GRIN2B: variants seen among roughly 807,000 people sequenced by gnomAD.
GRIN2B encodes glutamate ionotropic receptor NMDA type subunit 2B.
In GRIN2B, 5 loss-of-function variants were observed where a neutral mutation model predicts 114.5. The ratio of observed to expected loss-of-function variants is 0.04; its 90% CI spans 0.02 to 0.09. The LOEUF (loss-of-function observed/expected upper bound fraction) is 0.09, where lower values mean the gene tolerates loss of function less well. GRIN2B is among the 10% of genes least tolerant of loss of function. The pLI, the probability that GRIN2B is intolerant of heterozygous loss-of-function variation, is 1.00. For synonymous variants in GRIN2B, 787 were observed against 745.1 expected (o/e 1.06, Z -0.92); for missense variants, 1,108 against 1,943.5 (o/e 0.57, Z 8.08).
chr12:13,772,764 C>T (rs1452147252), intron 3 of GRIN2B, among the ~76,000 whole-genome samples: 1 of 152,080 alleles, frequency 6.6e-6, no homozygotes, highest in Non-Finnish European at 1.5e-5. Context: ...AGTTTGCAAC[C>T]TTGTAAGAGG....
intron 4 of GRIN2B, among the ~76,000 whole-genome samples, chr12:13,694,656 C>CATATATATATATAT (rs67570541): frequency 2.8e-5 from 2 of 71,340 alleles, no homozygotes; most frequent in East Asian, 4.4e-4. Flanking sequence ...AAGAAAATGT[C>CATATATATATATAT]ATATATATAT....
chr12:13,773,162 T>C (rs1863938346), intron 3 of GRIN2B, among the ~76,000 whole-genome samples: 2 of 152,184 alleles, frequency 1.3e-5, no homozygotes, highest in African/African-American at 4.8e-5. Context: ...GGCAAGTTCC[T>C]ACCCATCCAG....
chr12:13,906,351 G>C (rs1027140008), intron 2 of GRIN2B, among the ~76,000 whole-genome samples: 6 of 152,144 alleles, frequency 3.9e-5, no homozygotes, highest in Non-Finnish European at 7.4e-5. Flanking sequence ...AGTACACTGA[G>C]CACTAAAGGG....
chr12:13,607,344 A>T (rs1382202515), intron 10 of GRIN2B, among the ~76,000 whole-genome samples: 25 of 38,364 alleles, frequency 6.5e-4, no homozygotes, highest in Non-Finnish European at 9.3e-4. Context: ...ATTATATATA[A>T]TATATAAAAT....
chr12:13,740,011 T>A (rs1011335881), intron 4 of GRIN2B, among the ~76,000 whole-genome samples: 1 of 152,146 alleles, frequency 6.6e-6, no homozygotes. Flanking sequence ...GTTTTGAGTT[T>A]GCAGGTGGCC....
intron 2 of GRIN2B, among the ~76,000 whole-genome samples, chr12:13,935,110 A>T (rs1471123404): frequency 6.6e-6 from 1 of 152,248 alleles, no homozygotes; most frequent in African/African-American, 2.4e-5. Flanking sequence ...ATTGGTCCAT[A>T]GATGAGAAAA....
intron 10 of GRIN2B, among the ~76,000 whole-genome samples, chr12:13,592,282 C>T (rs1472619036): frequency 1.3e-5 from 2 of 152,174 alleles, no homozygotes; most frequent in African/African-American, 4.8e-5. Flanking sequence ...AAGTGGCTAA[C>T]AAGCTATTGT....
At chr12:13,947,034 CT>C (rs1867373719) in intron 2 of GRIN2B, among the ~76,000 whole-genome samples, 1 of 152,154 alleles carries the variant, frequency 6.6e-6, no homozygotes, top group African/African-American at 2.4e-5. Flanking sequence ...AGAGGTGACA[CT>C]TTCTCTAGCA....
At chr12:13,775,495 G>C (rs1323975386) in intron 3 of GRIN2B, among the ~76,000 whole-genome samples, 1 of 152,228 alleles carries the variant, frequency 6.6e-6, no homozygotes, top group East Asian at 1.9e-4. Context: ...TAAGTGCTTA[G>C]GAAATAGTAC....
At chr12:13,832,013 T>C (rs1218159639) in intron 3 of GRIN2B, among the ~76,000 whole-genome samples, 1 of 152,080 alleles carries the variant, frequency 6.6e-6, no homozygotes, top group Non-Finnish European at 1.5e-5. Context: ...TGAAGGGCAG[T>C]GGGGGGCAGG....
intron 4 of GRIN2B, among the ~76,000 whole-genome samples, chr12:13,717,447 T>C (rs1950466086): frequency 6.6e-6 from 1 of 151,968 alleles, no homozygotes; most frequent in Non-Finnish European, 1.5e-5. Context: ...CCACAGTTTC[T>C]CCTCTGTTAA....
chr12:13,576,610 G>A (rs761553839), intron 10 of GRIN2B, among the ~76,000 whole-genome samples: 23 of 151,048 alleles, frequency 1.5e-4, no homozygotes, highest in Non-Finnish European at 2.1e-4. Flanking sequence ...GCAGTGTTGC[G>A]ATCTTGGCTC....
At chr12:13,808,770 T>TATATATATATATAG (rs1491493981) in intron 3 of GRIN2B, among the ~76,000 whole-genome samples, 1 of 141,398 alleles carries the variant, frequency 7.1e-6, no homozygotes, top group South Asian at 2.3e-4. Context: ...TATATATATA[T>TATATATATATATAG]ACATATAAAA....
rs553731466 is a variant in GRIN2B, at chr12:13,792,147, C to A, written c.412-38232G>T. ...CAGCATCTCAAGGGCAGCCACTGGC[C>A]ATTGGCCTTGGACCTATGAAGGGCA... On this transcript the variant is annotated intron_variant, in intron 3 of 13. Transcript: ENST00000609686. Among the ~76,000 whole-genome samples, 3 of 152,356 alleles carry A rather than the reference C, an allele frequency of 2.0e-5. No individual in the cohort carries two copies. In the South Asian group the frequency reaches 6.2e-4, roughly 32 times the overall value.
At chr12:13,970,117 G>A (rs1220734079) in intron 2 of GRIN2B, among the ~76,000 whole-genome samples, 2 of 152,174 alleles carry the variant, frequency 1.3e-5, no homozygotes, top group Non-Finnish European at 2.9e-5. Context: ...TCCCAAGGGA[G>A]AGTTCACTTC....
chr12:13,601,112 A>C (rs1487444663), intron 10 of GRIN2B, among the ~76,000 whole-genome samples: 3 of 152,240 alleles, frequency 2.0e-5, no homozygotes, highest in African/African-American at 7.2e-5. Context: ...GGATGCAATG[A>C]GCTCAAAGTG....
intron 3 of GRIN2B, among the ~76,000 whole-genome samples, chr12:13,802,611 C>T (rs142341247): frequency 2.2e-4 from 33 of 151,960 alleles, no homozygotes; most frequent in African/African-American, 7.2e-4. Context: ...TCCATGAAGC[C>T]ATAAGAAATT....
At chr12:13,712,100 C>T (rs1950419751) in intron 4 of GRIN2B, among the ~76,000 whole-genome samples, 1 of 151,852 alleles carries the variant, frequency 6.6e-6, no homozygotes, top group East Asian at 1.9e-4. Flanking sequence ...AAGCCAGAAA[C>T]CATCATTCTC....
intron 4 of GRIN2B, among the ~76,000 whole-genome samples, chr12:13,734,672 C>A (rs1214954762): frequency 6.6e-6 from 1 of 152,084 alleles, no homozygotes; most frequent in Non-Finnish European, 1.5e-5. Context: ...AGGGTGGATA[C>A]CATAATGAAT....
Sources: gnomAD v4.1 joint callset for allele counts (sites outside exome capture counted in the v4.1 genomes callset) on GRCh38, gnomAD v4.1.1 for gene constraint, MANE v1.5 for transcripts, NCBI Gene and HGNC (gene_info 2026-07-23, HGNC 2026-07-21) for gene names.